Variants in CSGALNACT1 observed in about 807,000 individuals in gnomAD.
The protein encoded by CSGALNACT1 is beta4GalNAcT-1.
Under a neutral mutation model 51.0 loss-of-function variants are expected in CSGALNACT1, and 52 were observed. The observed-to-expected ratio is 1.02, with a 90% CI of 0.82 to 1.29. The LOEUF (loss-of-function observed/expected upper bound fraction) is 1.29, where lower values mean the gene tolerates loss of function less well. CSGALNACT1 is among the 50% of genes most tolerant of loss of function. CSGALNACT1 has a pLI of 0.00. For missense variants in CSGALNACT1, 935 were observed against 679.2 expected (o/e 1.38, Z -4.19); for synonymous variants, 341 against 254.4 (o/e 1.34, Z -3.24).
intron 6 of CSGALNACT1, among the ~76,000 whole-genome samples, chr8:19,428,616 T>C (rs901856156): frequency 1.3e-5 from 2 of 152,122 alleles, no homozygotes; most frequent in Non-Finnish European, 2.9e-5. Context: ...AAAGCCTGGG[T>C]AAGCTGCCCT....
rs2044042239 is a variant in CSGALNACT1, at chr8:19,575,706, A to G, written c.-297+15454T>C. Among the ~76,000 whole-genome samples the G allele has an allele frequency of 2.0e-5, 3 of 152,228 alleles. 1 individual carries two copies. In the South Asian group the frequency reaches 6.2e-4, roughly 31 times the overall value. ...TTATCAAAAAATGTTTTCATCTGTT[A>G]GAAGTATAAACAAAAGTATTTACGT... On this transcript the variant is annotated intron_variant, in intron 3 of 9. Coordinates refer to ENST00000454498, the Ensembl canonical transcript of CSGALNACT1.
intron 3 of CSGALNACT1, among the ~76,000 whole-genome samples, chr8:19,581,290 T>C (rs916635164): frequency 2.0e-5 from 3 of 152,218 alleles, no homozygotes; most frequent in African/African-American, 4.8e-5. Flanking sequence ...CAGATATAAA[T>C]AGCATATTCA....
At chr8:19,750,209 TCTCTTGGGCTCCAAGCTGCCATTTG>T (rs1255795031) in intron 1 of CSGALNACT1, among the ~76,000 whole-genome samples, 2 of 152,186 alleles carry the variant, frequency 1.3e-5, no homozygotes, top group African/African-American at 4.8e-5. Context: ...CATAGGTACC[TCTCTTGGGCTCCAAGCTGCCATTTG>T]CCTCCTGGCC....
intron 1 of CSGALNACT1, among the ~76,000 whole-genome samples, chr8:19,746,896 T>C (rs35403757): frequency 0.17 from 25,833 of 152,210 alleles, 2,326 homozygotes; most frequent in Middle Eastern, 0.32. Flanking sequence ...CGATACTTGG[T>C]GGTTTCACAC....
intron 4 of CSGALNACT1, among the ~76,000 whole-genome samples, chr8:19,468,671 C>T (rs1347007781): frequency 6.6e-6 from 1 of 152,036 alleles, no homozygotes; most frequent in Non-Finnish European, 1.5e-5. Context: ...TAGAAAATGT[C>T]ATGGCAGGTG....
At chr8:19,674,091 C>T (rs1344629726) in intron 1 of CSGALNACT1, among the ~76,000 whole-genome samples, 1 of 152,184 alleles carries the variant, frequency 6.6e-6, no homozygotes, top group African/African-American at 2.4e-5. Context: ...ACTTCAAGAC[C>T]AGCCTGGCCA....
chr8:19,685,888 C>T (rs1320143831), upstream of CSGALNACT1, among the ~76,000 whole-genome samples: 1 of 152,156 alleles, frequency 6.6e-6, no homozygotes, highest in East Asian at 1.9e-4. Context: ...AATAGCCGTA[C>T]AACCTCAGGC....
At chr8:19,443,681 G>A (rs1236923031) in intron 5 of CSGALNACT1, among the ~76,000 whole-genome samples, 1 of 152,184 alleles carries the variant, frequency 6.6e-6, no homozygotes, top group Non-Finnish European at 1.5e-5. Flanking sequence ...ACCTGGCCCT[G>A]CCCTTGACAC....
chr8:19,626,317 T>G (rs990716653), intron 1 of CSGALNACT1, among the ~76,000 whole-genome samples: 4 of 151,890 alleles, frequency 2.6e-5, no homozygotes, highest in African/African-American at 9.7e-5. Flanking sequence ...AAAAAGCAAC[T>G]GAATGGAGGA....
intron 1 of CSGALNACT1, among the ~76,000 whole-genome samples, chr8:19,617,881 T>G (rs1296755433): frequency 6.6e-6 from 1 of 152,188 alleles, no homozygotes; most frequent in Non-Finnish European, 1.5e-5. Flanking sequence ...TATTCCTATA[T>G]GCTTTTTTAT....
chr8:19,698,125 A>G (rs1487606445), intron 1 of CSGALNACT1, among the ~76,000 whole-genome samples: 1 of 152,230 alleles, frequency 6.6e-6, no homozygotes, highest in Non-Finnish European at 1.5e-5. Flanking sequence ...GGGAGAAGTC[A>G]CTGGACAAAG....
intron 1 of CSGALNACT1, among the ~76,000 whole-genome samples, chr8:19,723,747 T>C (rs2063249778): frequency 6.6e-6 from 1 of 152,202 alleles, no homozygotes; most frequent in African/African-American, 2.4e-5. Flanking sequence ...CATTTGATGG[T>C]ACCGTACATG....
At chr8:19,618,629 C>CAAAAAAAA (rs60787326) in intron 1 of CSGALNACT1, among the ~76,000 whole-genome samples, 5 of 64,042 alleles carry the variant, frequency 7.8e-5, no homozygotes, top group East Asian at 6.0e-4. Flanking sequence ...AATACTCCAT[C>CAAAAAAAA]AAAAAAAAAA....
At chr8:19,470,801 A>G (rs1211338823) in intron 4 of CSGALNACT1, among the ~76,000 whole-genome samples, 1 of 152,196 alleles carries the variant, frequency 6.6e-6, no homozygotes, top group African/African-American at 2.4e-5. Flanking sequence ...ACATGTGTTA[A>G]GAGACAAAAA....
At chr8:19,585,726 G>A (rs1017178220) in intron 3 of CSGALNACT1, among the ~76,000 whole-genome samples, 4 of 152,160 alleles carry the variant, frequency 2.6e-5, no homozygotes, top group African/African-American at 7.2e-5. Context: ...GGTGTAAAAT[G>A]AGAAGAACCC....
At chr8:19,577,882 A>G (rs1355812337) in intron 3 of CSGALNACT1, among the ~76,000 whole-genome samples, 1 of 152,212 alleles carries the variant, frequency 6.6e-6, no homozygotes, top group East Asian at 1.9e-4. Flanking sequence ...TGGCTGAGCC[A>G]AACTATTGGC....
rs537807986 is a variant in CSGALNACT1, at chr8:19,618,717, C to G, written c.-543-16852G>C. Among the ~76,000 whole-genome samples the G allele has an allele frequency of 4.0e-5, 6 of 151,446 alleles. No individual in the cohort carries two copies. In the East Asian group the frequency reaches 1.2e-3, roughly 29 times the overall value. On this transcript the variant is annotated intron_variant, in intron 1 of 9. Coordinates refer to the CSGALNACT1 transcript ENST00000332246. Reference sequence around the variant, plus strand: ...AGAAAACCTTAGCAATCATGGCACCCAGCTTCTCCCTGTCCTAGAAACCAC... The same window carrying G: ...AGAAAACCTTAGCAATCATGGCACCGAGCTTCTCCCTGTCCTAGAAACCAC...
intron 4 of CSGALNACT1, among the ~76,000 whole-genome samples, chr8:19,474,194 T>C (rs554603896): frequency 6.6e-6 from 1 of 152,252 alleles, no homozygotes; most frequent in Non-Finnish European, 1.5e-5. Context: ...CTTGTCTCTG[T>C]GGGCTCCATG....
At chr8:19,478,142 C>T (rs1439729901) in intron 4 of CSGALNACT1, among the ~76,000 whole-genome samples, 5 of 54,640 alleles carry the variant, frequency 9.2e-5, no homozygotes, top group Admixed American at 6.4e-4. Flanking sequence ...GGGCCGGGTG[C>T]GGTGGCTCAC....
Sources: gnomAD v4.1 joint callset for allele counts (sites outside exome capture counted in the v4.1 genomes callset) on GRCh38, gnomAD v4.1.1 for gene constraint, MANE v1.5 for transcripts, NCBI Gene and HGNC (gene_info 2026-07-23, HGNC 2026-07-21) for gene names.